Variants in DPH6 observed in about 807,000 individuals in gnomAD.
The protein encoded by DPH6 is diphthamine biosynthesis 6.
In DPH6, 33 loss-of-function variants were observed where a neutral mutation model predicts 38.2. That is an observed-to-expected ratio of 0.86 (90% CI 0.65 to 1.15). The LOEUF is 1.15. Ranked by LOEUF, DPH6 falls within the 50% of genes most tolerant of loss-of-function variation. DPH6 has a pLI of 0.00. For synonymous variants in DPH6, 108 were observed against 103.0 expected (o/e 1.05, Z -0.30); for missense variants, 325 against 320.0 (o/e 1.02, Z -0.12).
chr15:35,362,938 C>T (rs2052625990), intron 3 of DPH6, among the ~76,000 whole-genome samples: 1 of 152,280 alleles, frequency 6.6e-6, no homozygotes. Context: ...TGCGATCTTA[C>T]TAGTATATTT....
intron 3 of DPH6, among the ~76,000 whole-genome samples, chr15:35,345,801 G>A (rs1234465947): frequency 6.6e-6 from 1 of 151,836 alleles, no homozygotes; most frequent in Admixed American, 6.6e-5. Flanking sequence ...CATCAGTAAA[G>A]ACTGATCTCA....
At chr15:35,211,154 T>C in the DPH6 span, among the ~76,000 whole-genome samples, 3 of 152,058 alleles carry the variant, frequency 2.0e-5, no homozygotes, top group Non-Finnish European at 4.4e-5. Context: ...TTTTTCACTA[T>C]TGGAAAGAGT....
rs144279008 is a variant in DPH6 at position 35,298,823 on chromosome 15, G to T, written n.200+74698C>A. On this transcript the variant is annotated intron_variant and non_coding_transcript_variant, in intron 3 of 3. Coordinates refer to the DPH6 transcript ENST00000560386. ...CTGTCTTGTTCCTCGTACACTGGGG[G>T]AGGAATGGCAGTTTTGGAAGACTGT... 1.4e-4 allele frequency: 149 copies of T among 1,077,118 alleles called. No individual in the cohort carries two copies. The African/African-American group carries it at 1.4e-3, about 10-fold the overall frequency. The allele number at this position is 1,077,118 out of a possible 1,614,324, so 66.7% of individuals were successfully genotyped here. A position where few individuals can be genotyped will look rare whatever the true frequency, so the allele number is the denominator to read the frequency against.
chr15:35,322,248 T>C (rs1405320127), intron 3 of DPH6, among the ~76,000 whole-genome samples: 1 of 152,224 alleles, frequency 6.6e-6, no homozygotes, highest in African/African-American at 2.4e-5. Context: ...ATAGACACTA[T>C]CCCTACATTT....
At chr15:35,422,889 A>G (rs2053523856) in intron 5 of DPH6, among the ~76,000 whole-genome samples, 1 of 151,884 alleles carries the variant, frequency 6.6e-6, no homozygotes, top group South Asian at 2.1e-4. Context: ...GAAAATGGTT[A>G]GATTTCCTTT....
intron 5 of DPH6, among the ~76,000 whole-genome samples, chr15:35,444,197 C>A (rs937823960): frequency 7.9e-5 from 12 of 152,110 alleles, no homozygotes; most frequent in African/African-American, 2.9e-4. Flanking sequence ...TCAATAAATT[C>A]GGGATTCCAT....
intron 5 of DPH6, among the ~76,000 whole-genome samples, chr15:35,439,388 C>A (rs1042388802): frequency 1.3e-5 from 2 of 152,176 alleles, no homozygotes; most frequent in Non-Finnish European, 2.9e-5. Flanking sequence ...TTGTTTCTCT[C>A]TGCCTGGCTT....
chr15:35,425,138 C>T (rs545857122), intron 5 of DPH6, among the ~76,000 whole-genome samples: 51 of 151,718 alleles, frequency 3.4e-4, no homozygotes, highest in South Asian at 4.1e-4. Flanking sequence ...AATGTTATAA[C>T]ATACCCTTGC....
intron 3 of DPH6, chr15:35,490,289 A>C (rs914396938): frequency 3.2e-5 from 20 of 626,168 alleles, no homozygotes; most frequent in Non-Finnish European, 4.0e-5. Flanking sequence ...TTTGTAGTAG[A>C]CCAAATGAAT....
chr15:35,406,102 G>GA (rs1472851176), intron 6 of DPH6, among the ~76,000 whole-genome samples: 2 of 152,012 alleles, frequency 1.3e-5, no homozygotes, highest in Non-Finnish European at 2.9e-5. Context: ...TGAGGCAAGA[G>GA]AAAAATGGCA....
chr15:35,207,930 T>C, the DPH6 span, among the ~76,000 whole-genome samples: 1 of 152,168 alleles, frequency 6.6e-6, no homozygotes, highest in Non-Finnish European at 1.5e-5. Flanking sequence ...ATAAGATGAG[T>C]ATAGTTGGCA....
At chr15:35,543,783 C>T (rs900614309) in intron 1 of DPH6, among the ~76,000 whole-genome samples, 5 of 152,140 alleles carry the variant, frequency 3.3e-5, no homozygotes, top group South Asian at 2.1e-4. Context: ...TCTTCAGGTT[C>T]GGTATCCCCA....
the DPH6 span, among the ~76,000 whole-genome samples, chr15:35,159,185 G>C: frequency 3.3e-5 from 5 of 151,972 alleles, no homozygotes; most frequent in African/African-American, 1.2e-4. Flanking sequence ...AATCAGAAAA[G>C]AATTACTTTA....
At chr15:35,319,192 G>C (rs1485666980) in intron 3 of DPH6, among the ~76,000 whole-genome samples, 2 of 152,028 alleles carry the variant, frequency 1.3e-5, no homozygotes, top group Non-Finnish European at 2.9e-5. Flanking sequence ...CTGGCAACAT[G>C]GTTTCTATGC....
intron 3 of DPH6, among the ~76,000 whole-genome samples, chr15:35,320,933 G>A (rs1051952327): frequency 1.3e-5 from 2 of 152,150 alleles, no homozygotes; most frequent in Non-Finnish European, 2.9e-5. Context: ...TAAATTCCAT[G>A]GGTATGAGTG....
chr15:35,331,643 A>C (rs1393630517), intron 3 of DPH6, among the ~76,000 whole-genome samples: 1 of 152,224 alleles, frequency 6.6e-6, no homozygotes, highest in African/African-American at 2.4e-5. Context: ...AGTGAGGAGA[A>C]TGAGACAGGG....
chr15:35,153,308 A>G, the DPH6 span, among the ~76,000 whole-genome samples: 5 of 152,200 alleles, frequency 3.3e-5, no homozygotes, highest in Non-Finnish European at 7.3e-5. Context: ...ACATAAATTT[A>G]CAAAGATTAA....
chr15:35,437,798 T>C (rs1358920693), intron 5 of DPH6, among the ~76,000 whole-genome samples: 1 of 152,214 alleles, frequency 6.6e-6, no homozygotes, highest in Non-Finnish European at 1.5e-5. Context: ...TTTATGTCCT[T>C]GGAAGCATGA....
intron 3 of DPH6, chr15:35,520,225 AAAAAC>A (rs1404042070): frequency 3.1e-4 from 235 of 752,424 alleles, no homozygotes; most frequent in Non-Finnish European, 3.4e-4. Context: ...TGCTACAAAA[AAAAAC>A]AAAAAAAAAA....
Sources: allele counts gnomAD v4.1 joint callset (sites outside exome capture counted in the v4.1 genomes callset), GRCh38; gene constraint gnomAD v4.1.1; transcripts MANE v1.5; gene names NCBI Gene and HGNC (gene_info 2026-07-23, HGNC 2026-07-21).